MLIP: variants seen among roughly 807,000 people sequenced by gnomAD.
The protein encoded by MLIP is muscular LMNA-interacting protein.
In MLIP, 79 loss-of-function variants were observed where a neutral mutation model predicts 84.8. The ratio of observed to expected loss-of-function variants is 0.93; its 90% confidence interval spans 0.78 to 1.12. MLIP has a LOEUF of 1.12. Among genes scored for constraint, MLIP ranks in the 50% most tolerant of loss-of-function variants. MLIP has a pLI of 0.00. For missense variants in MLIP, 1,257 were observed against 1,160.6 expected, an observed-to-expected ratio of 1.08 and a Z score of -1.21; for synonymous variants, 504 against 463.0, an observed-to-expected ratio of 1.09 and a Z score of -1.14.
chr6:54,216,890 A>G (rs764120371), intron 11 of MLIP: 22 of 985,308 alleles, frequency 2.2e-5, no homozygotes, highest in Admixed American at 6.1e-5. Context: ...CTGTCTGTAA[A>G]GTGTTGGTGT....
At chr6:54,237,501 G>T (rs1180215714) in intron 12 of MLIP, among the ~76,000 whole-genome samples, 1 of 151,956 alleles carries the variant, frequency 6.6e-6, no homozygotes, top group Non-Finnish European at 1.5e-5. Flanking sequence ...ATATATTCAT[G>T]AAATTTTATG....
intron 1 of MLIP, chr6:54,046,621 GTTAA>G (rs1277243492): frequency 2.6e-5 from 4 of 152,142 alleles, no homozygotes; most frequent in African/African-American, 7.2e-5. Flanking sequence ...TTAAGACTGT[GTTAA>G]TTATTTCACT....
At chr6:54,202,626 C>T (rs1233267751) in intron 11 of MLIP, among the ~76,000 whole-genome samples, 1 of 151,954 alleles carries the variant, frequency 6.6e-6, no homozygotes, top group African/African-American at 2.4e-5. Context: ...GATACAGTGG[C>T]TCATGTCTAT....
At chr6:54,132,227 C>T (rs1771438148) in intron 3 of MLIP, among the ~76,000 whole-genome samples, 1 of 152,162 alleles carries the variant, frequency 6.6e-6, no homozygotes, top group Admixed American at 6.5e-5. Context: ...GGTACTTTCA[C>T]TATTCACCAC....
At chr6:54,256,719 CT>C (rs1736555253) in intron 12 of MLIP, among the ~76,000 whole-genome samples, 1 of 152,124 alleles carries the variant, frequency 6.6e-6, no homozygotes, top group Non-Finnish European at 1.5e-5. Flanking sequence ...ACCTTCTCTT[CT>C]GTTAAAGTGT....
At chr6:54,201,808 A>T (rs1455337087) in intron 10 of MLIP, among the ~76,000 whole-genome samples, 1 of 152,196 alleles carries the variant, frequency 6.6e-6, no homozygotes, top group Non-Finnish European at 1.5e-5. Context: ...AATACTTAGC[A>T]AATGAAATAT....
At chr6:54,250,282 C>T (rs1047029972) in intron 12 of MLIP, among the ~76,000 whole-genome samples, 14 of 151,966 alleles carry the variant, frequency 9.2e-5, no homozygotes, top group African/African-American at 3.4e-4. Flanking sequence ...TTAGTTCGAC[C>T]ATGTGGAAGA....
intron 11 of MLIP, among the ~76,000 whole-genome samples, chr6:54,230,224 T>A (rs1582569203): frequency 1.3e-5 from 2 of 152,188 alleles, no homozygotes; most frequent in East Asian, 3.9e-4. Context: ...AAACTTATTG[T>A]GTCATGAACT....
intron 4 of MLIP, among the ~76,000 whole-genome samples, chr6:54,144,478 G>A (rs11754017): frequency 0.017 from 2,549 of 152,300 alleles, 31 homozygotes; most frequent in Middle Eastern, 0.031. Flanking sequence ...GTTTGGGGAT[G>A]GTTTTGGGAT....
At chr6:54,070,332 C>T (rs1014560093) in intron 1 of MLIP, among the ~76,000 whole-genome samples, 4 of 152,052 alleles carry the variant, frequency 2.6e-5, no homozygotes, top group Non-Finnish European at 5.9e-5. Flanking sequence ...ATTTCCCCAC[C>T]TCCCCCCCAT....
At chr6:54,191,626 A>G (rs941500821) in intron 10 of MLIP, among the ~76,000 whole-genome samples, 1 of 152,190 alleles carries the variant, frequency 6.6e-6, no homozygotes, top group Non-Finnish European at 1.5e-5. Flanking sequence ...AAGTGAGAGC[A>G]TTCTATTGCG....
intron 13 of MLIP, 69 bp from the exon 14 acceptor site, chr6:54,265,881 A>G (rs2150911829): frequency 7.0e-7 from 1 of 1,431,282 alleles, no homozygotes; most frequent in Non-Finnish European, 9.7e-7. Flanking sequence ...ATATTAATGT[A>G]TAATTTTCAG....
intron 11 of MLIP, among the ~76,000 whole-genome samples, chr6:54,229,380 A>G (rs986185270): frequency 2.4e-4 from 37 of 152,256 alleles, no homozygotes; most frequent in African/African-American, 8.2e-4. Context: ...TCAACTTTTA[A>G]GTTCCAGGGT....
intron 12 of MLIP, among the ~76,000 whole-genome samples, chr6:54,245,821 C>T (rs962395058): frequency 2.0e-5 from 3 of 152,082 alleles, no homozygotes; most frequent in African/African-American, 7.2e-5. Context: ...TTACTTATCC[C>T]ATGCAACAAA....
chr6:54,034,704 A>C (rs1764329403), intron 1 of MLIP, among the ~76,000 whole-genome samples: 1 of 152,134 alleles, frequency 6.6e-6, no homozygotes, highest in African/African-American at 2.4e-5. Flanking sequence ...AAAGTAAAAA[A>C]ATTAAAGTAA....
chr6:54,184,550 G>A (rs1662553758), intron 9 of MLIP, among the ~76,000 whole-genome samples: 1 of 152,192 alleles, frequency 6.6e-6, no homozygotes, highest in Admixed American at 6.5e-5. Flanking sequence ...AAGTCTTTGG[G>A]AGATGAAAAG....
chr6:54,036,177 T>C (rs556019936), intron 1 of MLIP, among the ~76,000 whole-genome samples: 1 of 152,022 alleles, frequency 6.6e-6, no homozygotes, highest in South Asian at 2.1e-4. Flanking sequence ...AGGGTTATTA[T>C]TAGAAATAAC....
At chr6:54,249,147 A>C (rs1443456652) in intron 12 of MLIP, among the ~76,000 whole-genome samples, 1 of 152,050 alleles carries the variant, frequency 6.6e-6, no homozygotes, top group Non-Finnish European at 1.5e-5. Context: ...ATCAGTTATC[A>C]ATCAATAGAT....
chr6:54,137,356 A>G lies in MLIP; in HGVS notation c.1287A>G (p.Arg429=), dbSNP rs1771902374. The G allele has an allele frequency of 6.5e-7, 1 of 1,535,020 alleles. No individual in the cohort carries two copies. The highest frequency in any genetic ancestry group is 1.4e-5 in the African/African-American group (1 of 72,636). ...AILKSNPSHQ[R]PFSPASCPTF... is the part of the protein sequence containing the mutation. ...TCAAGTCAAACCCTTCCCACCAAAGACCCTTTTCCCCTGCATCCTGTCCCA... is the reference window on the plus strand; with the variant it reads ...TCAAGTCAAACCCTTCCCACCAAAGGCCCTTTTCCCCTGCATCCTGTCCCA... Residue 429 remains arginine (R), a synonymous_variant, in exon 4 of 14, where the codon AGA becomes AGG. Transcript: ENST00000502396.
Sources: allele counts gnomAD v4.1 joint callset (sites outside exome capture counted in the v4.1 genomes callset), GRCh38; gene constraint gnomAD v4.1.1; transcripts MANE v1.5; gene names NCBI Gene and HGNC (gene_info 2026-07-23, HGNC 2026-07-21).